SDCCAG8: variants seen among roughly 807,000 people sequenced by gnomAD.
SDCCAG8 encodes SHH signaling and ciliogenesis regulator SDCCAG8, also known as serologically defined colon cancer antigen 8.
A neutral mutation model predicts 101.8 loss-of-function variants in SDCCAG8; 74 were observed. The ratio of observed to expected loss-of-function variants is 0.73; its 90% CI spans 0.60 to 0.88. SDCCAG8 has a LOEUF of 0.88. Ranked by LOEUF, SDCCAG8 falls within the 40% of genes least tolerant of loss-of-function variation. The probability of loss-of-function intolerance (pLI) is 0.00; values close to 1 mark genes in which losing one functional copy is unlikely to be tolerated. For missense variants in SDCCAG8, 787 were observed against 822.6 expected (o/e 0.96, Z 0.53); for synonymous variants, 281 against 292.9 (o/e 0.96, Z 0.41).
rs138509826 is a variant in SDCCAG8 at position 243,320,907 on chromosome 1, T to G, written c.1068+4014T>G. Among the ~76,000 whole-genome samples, 599 of 152,332 alleles carry G rather than the reference T, an allele frequency of 3.9e-3. 4 individuals are homozygous for G. Among genetic ancestry groups the G allele is most frequent in the African/African-American group, 0.014 (564 of 41,580 alleles). ...GTATATTACTTTAGCCTTACTTATC[T>G]TAGCCTACATGGTACTCCCTCTAGG... On this transcript the variant is annotated intron_variant, in intron 9 of 17. Transcript: ENST00000366541.
At position 243,395,965 on chromosome 1, in the gene SDCCAG8, C is replaced by T. The variant is rs566759135; in HGVS notation, c.1616+17102C>T. Among the ~76,000 whole-genome samples the T allele has an allele frequency of 2.6e-5, 4 of 152,020 alleles. No individual in the cohort carries two copies. In the East Asian group the frequency reaches 7.7e-4, roughly 29 times the overall value. ...CCATAAGATTAAATTTTGGGATAATCCTTCAAAATATAAAAGCAGCCTTAT... is the reference window on the plus strand; with the variant it reads ...CCATAAGATTAAATTTTGGGATAATTCTTCAAAATATAAAAGCAGCCTTAT... On this transcript the variant is annotated intron_variant, in intron 13 of 17. Coordinates refer to ENST00000366541, the MANE Select transcript of SDCCAG8 (RefSeq NM_006642.5).
At chr1:243,423,149 A>C (rs992020573) in intron 15 of SDCCAG8, among the ~76,000 whole-genome samples, 1 of 152,172 alleles carries the variant, frequency 6.6e-6, no homozygotes, top group Non-Finnish European at 1.5e-5. Flanking sequence ...AGAAAAAAAC[A>C]AAAATGTGAA....
At chr1:243,422,230 T>G (rs1184691682) in intron 15 of SDCCAG8, among the ~76,000 whole-genome samples, 2 of 152,220 alleles carry the variant, frequency 1.3e-5, no homozygotes, top group Non-Finnish European at 2.9e-5. Flanking sequence ...GATTTGCGTT[T>G]TGTAATTAAG....
At chr1:243,484,677 G>T (rs1664414935) in intron 16 of SDCCAG8, among the ~76,000 whole-genome samples, 2 of 152,150 alleles carry the variant, frequency 1.3e-5, no homozygotes, top group South Asian at 4.1e-4. Context: ...TCCTCCATTG[G>T]CCGGGAACCG....
At position 243,293,067 on chromosome 1, in the gene SDCCAG8, A is replaced by G. The variant is rs762055483; in HGVS notation, c.547-24A>G. On this transcript the variant is annotated intron_variant, in intron 5 of 17. Transcript: ENST00000366541. ...TTTATTTAAAGTTGAATTCAGTTGC[A>G]GTTACTGGCACATTTTATTTTAGGG... 11 of 1,613,822 alleles carry G rather than the reference A, an allele frequency of 6.8e-6. No homozygotes were observed. The East Asian group carries it at 1.8e-4, about 26-fold the overall frequency.
intron 16 of SDCCAG8, among the ~76,000 whole-genome samples, chr1:243,465,718 C>T (rs143840764): frequency 1.2e-4 from 19 of 152,238 alleles, no homozygotes; most frequent in African/African-American, 4.6e-4. Context: ...ATAAACAGAG[C>T]TTTGTCTGGG....
rs889274426 is a variant in SDCCAG8 at position 243,458,802 on chromosome 1, T to C, written c.1986-30212T>C. 1.3e-5 allele frequency among the ~76,000 whole-genome samples: 2 copies of C among 152,232 alleles called. No homozygotes were observed. Among genetic ancestry groups the C allele is most frequent in the Non-Finnish European group, 2.9e-5 (2 of 68,034 alleles). On this transcript the variant is annotated intron_variant, in intron 16 of 17. Coordinates refer to ENST00000366541, the MANE Select transcript of SDCCAG8 (RefSeq NM_006642.5). This position sits in a 1 kb window ranked among gnomAD's most constrained non-coding sequence, Gnocchi z 4.5. ...GATATGGCATTGTTTTATATTCCCA[T>C]TGTCAGTGATCTCTAAACGGCATTC...
At chr1:243,355,145 AC>A (rs1276715894) in intron 12 of SDCCAG8, among the ~76,000 whole-genome samples, 1 of 152,258 alleles carries the variant, frequency 6.6e-6, no homozygotes, top group Admixed American at 6.5e-5. Context: ...TAACATCTGT[AC>A]TTAAGTGGAT....
At chr1:243,384,614 A>ACT (rs1053416622) in intron 13 of SDCCAG8, among the ~76,000 whole-genome samples, 1 of 150,936 alleles carries the variant, frequency 6.6e-6, no homozygotes, top group Non-Finnish European at 1.5e-5. Flanking sequence ...ACACACACAC[A>ACT]CTCACTCTTA....
chr1:243,267,957 A>C, intron 1 of SDCCAG8: 1 of 785,750 alleles, frequency 1.3e-6, no homozygotes. Flanking sequence ...TGGCAAAATA[A>C]TCAGGAAAGG....
At chr1:243,441,700 TATATC>T (rs1475347226) in intron 16 of SDCCAG8, among the ~76,000 whole-genome samples, 5 of 152,228 alleles carry the variant, frequency 3.3e-5, no homozygotes, top group African/African-American at 9.7e-5. Flanking sequence ...TAGGTACAGA[TATATC>T]ATACAGACTT....
intron 16 of SDCCAG8, among the ~76,000 whole-genome samples, chr1:243,478,956 CAAAAA>C (rs148382740): frequency 3.2e-5 from 3 of 94,716 alleles, no homozygotes; most frequent in Admixed American, 1.2e-4. Flanking sequence ...GACTCTGTCT[CAAAAA>C]AAAAAAAAAA....
At chr1:243,323,956 A>G (rs1462987906) in intron 9 of SDCCAG8, among the ~76,000 whole-genome samples, 1 of 152,086 alleles carries the variant, frequency 6.6e-6, no homozygotes, top group African/African-American at 2.4e-5. Flanking sequence ...CTTGGTTTCC[A>G]CAAGTCTTAA....
At position 243,308,252 on chromosome 1, in the gene SDCCAG8, C is replaced by T. The variant is rs144119010; in HGVS notation, c.929+75C>T. 868 of 1,411,510 alleles carry T rather than the reference C, an allele frequency of 6.1e-4. 2 individuals are homozygous for T. The highest frequency in any genetic ancestry group is 2.1e-3 in the Admixed American group (123 of 59,776). The allele number at this position is 1,411,510 out of a possible 1,614,324, so 87.4% of individuals were successfully genotyped here. A position where few individuals can be genotyped will look rare whatever the true frequency, so the allele number is the denominator to read the frequency against. On this transcript the variant is annotated intron_variant, in intron 8 of 17. Coordinates refer to ENST00000366541, the MANE Select transcript of SDCCAG8 (RefSeq NM_006642.5). ...GCCTTTAAAGGGGCATTGTGTTCTT[C>T]TAGCCCTATGCTAAGTCACATGTGA...
chr1:243,298,675 G>A (rs1306144763), intron 6 of SDCCAG8, among the ~76,000 whole-genome samples: 5 of 152,076 alleles, frequency 3.3e-5, no homozygotes, highest in Middle Eastern at 3.2e-3. Context: ...TTTTGTATAT[G>A]GGGTCATAGT....
At chr1:243,287,451 A>G (rs1408267180) in intron 5 of SDCCAG8, among the ~76,000 whole-genome samples, 1 of 150,366 alleles carries the variant, frequency 6.7e-6, no homozygotes, top group Non-Finnish European at 1.5e-5. Context: ...TAGTTGGTTT[A>G]TAATCCTGGA....
rs527763727 is a variant in SDCCAG8 at position 243,323,619 on chromosome 1, C to T, written c.1068+6726C>T. ...ACTTCGTTTATTACCGTCCATTCCT[C>T]ATTTCACTGGCAGACATCTCACAAC... On this transcript the variant is annotated intron_variant, in intron 9 of 17. Transcript: ENST00000366541. 7.2e-5 allele frequency among the ~76,000 whole-genome samples: 11 copies of T among 152,334 alleles called. No individual in the cohort carries two copies. The South Asian group carries it at 2.3e-3, about 32-fold the overall frequency.
chr1:243,372,897 C>CATATCTATATCTATATCT (rs71981276), intron 12 of SDCCAG8, among the ~76,000 whole-genome samples: 37 of 138,510 alleles, frequency 2.7e-4, no homozygotes, highest in South Asian at 4.6e-4. Context: ...ACTTGGGAAC[C>CATATCTATATCTATATCT]ATATCTATAT....
At chr1:243,398,587 G>T (rs2079169058) in intron 13 of SDCCAG8, among the ~76,000 whole-genome samples, 2 of 152,018 alleles carry the variant, frequency 1.3e-5, no homozygotes, top group Non-Finnish European at 2.9e-5. Flanking sequence ...TGATTATAGT[G>T]TACTGATTTT....
Sources: gnomAD v4.1 joint callset for allele counts (sites outside exome capture counted in the v4.1 genomes callset) on GRCh38, gnomAD v4.1.1 for gene constraint, Gnocchi (gnomAD v3.1) non-coding constraint, MANE v1.5 for transcripts, NCBI Gene and HGNC (gene_info 2026-07-23, HGNC 2026-07-21) for gene names.